SPAAR: variants seen among roughly 807,000 people sequenced by gnomAD.
SPAAR encodes the protein small regulatory polypeptide of amino acid response, also known as long intergenic non-protein coding RNA 961.
For missense variants in SPAAR, 59 were observed against 39.9 expected, an observed-to-expected ratio of 1.48 and a Z score of -1.29; for synonymous variants, 27 against 15.9, an observed-to-expected ratio of 1.70 and a Z score of -1.66.
chr9:35,910,211 G>A lies in SPAAR; in HGVS notation c.-253G>A. 1.8e-6 allele frequency: 1 copy of A among 560,220 alleles called. No individual in the cohort carries two copies. The highest frequency in any genetic ancestry group is 3.0e-5 in the East Asian group (1 of 33,056). 34.7% of individuals were successfully genotyped at this position (560,220 alleles called of 1,614,324 possible). On this transcript the variant is annotated 5_prime_UTR_variant, in exon 2 of 2. Transcript: ENST00000443779. ...TGCTTCTTCTAGAAGCTGACATGGA[G>A]CTGACCACAGCTCTTGGAGGCATGG...
In SPAAR at chr9:35,910,461, G is replaced by T. The variant is rs1161947045; in HGVS notation, c.-3G>T. 4 of 703,082 alleles carry T rather than the reference G, an allele frequency of 5.7e-6. No homozygotes were observed. In the African/African-American group the frequency reaches 7.0e-5, roughly 12 times the overall value. The allele number at this position is 703,082 out of a possible 1,614,324, so 43.6% of individuals were successfully genotyped here. On this transcript the variant is annotated 5_prime_UTR_variant, in exon 2 of 2. Coordinates refer to ENST00000443779, the MANE Select transcript of SPAAR (RefSeq NM_001348107.3). ...GAGAGGACCTAAGGTTGCTCAGTGG[G>T]CCATGGAAACGGCAGTGATTGGGGT...
Position 35,910,630 on chromosome 9 carries a change from C to G in SPAAR, c.167C>G (p.Thr56Arg). Residue 56 changes from threonine (T) to arginine (R), a missense_variant, in exon 2 of 2, where the codon ACG (threonine) becomes AGG (arginine). By Grantham distance (71) the Thr-to-Arg change is moderately conservative. Coordinates refer to ENST00000443779, the MANE Select transcript of SPAAR (RefSeq NM_001348107.3). Reference protein sequence around the residue: ...ATFRQEASLFTGPVRHAQPVP... With the variant: ...ATFRQEASLFRGPVRHAQPVP... ...TTTCGCCAGGAAGCTTCTCTCTTCACGGGGCCTGTTCGCCATGCCCAGCCA... is the reference window on the plus strand; with the variant it reads ...TTTCGCCAGGAAGCTTCTCTCTTCAGGGGGCCTGTTCGCCATGCCCAGCCA... The G allele has an allele frequency of 1.4e-6, 1 of 702,926 alleles. No homozygotes were observed. Among genetic ancestry groups the G allele is most frequent in the Non-Finnish European group, 2.6e-6 (1 of 384,960 alleles). 43.5% of individuals were successfully genotyped at this position (702,926 alleles called of 1,614,324 possible). A position where few individuals can be genotyped will look rare whatever the true frequency, so the allele number is the denominator to read the frequency against.
Position 35,910,366 on chromosome 9 carries a change from A to G in SPAAR, c.-98A>G. 1 of 678,526 alleles carries G rather than the reference A, an allele frequency of 1.5e-6. No individual in the cohort carries two copies. The highest frequency in any genetic ancestry group is 2.7e-6 in the Non-Finnish European group (1 of 373,126). The allele number at this position is 678,526 out of a possible 1,614,324, so 42.0% of individuals were successfully genotyped here. ...GCATCTTCTTAGGAGACGGAAGGAG[A>G]GCCGCCGGAGGAGCACGGGGCACCT... On this transcript the variant is annotated 5_prime_UTR_variant, in exon 2 of 2. Coordinates refer to ENST00000443779, the MANE Select transcript of SPAAR (RefSeq NM_001348107.3).
rs1471916890 is a variant in SPAAR at position 35,910,237 on chromosome 9, C to A, written c.-227C>A. On this transcript the variant is annotated 5_prime_UTR_variant, in exon 2 of 2. Transcript: ENST00000443779. ...CTGACCACAGCTCTTGGAGGCATGG[C>A]CTGAGGCTTAGAAAATAGACAGAGA... 5.1e-6 allele frequency: 3 copies of A among 585,484 alleles called. No individual in the cohort carries two copies. The highest frequency in any genetic ancestry group is 9.1e-6 in the Non-Finnish European group (3 of 328,346). 36.3% of individuals were successfully genotyped at this position (585,484 alleles called of 1,614,324 possible).
In SPAAR at chr9:35,910,947, C is replaced by A. The variant is rs545705671; in HGVS notation, c.*256C>A. The A allele has an allele frequency of 5.8e-5, 27 of 467,620 alleles. No individual in the cohort carries two copies. Among genetic ancestry groups the A allele is most frequent in the Middle Eastern group, 5.5e-4 (1 of 1,824 alleles). 29.0% of individuals were successfully genotyped at this position (467,620 alleles called of 1,614,324 possible). ...CTCTGAGGAGTGAGTGAACAGACAGCGCCGGAGTGCACGGTGGGCCGGCTC... is the reference window on the plus strand; with the variant it reads ...CTCTGAGGAGTGAGTGAACAGACAGAGCCGGAGTGCACGGTGGGCCGGCTC... On this transcript the variant is annotated 3_prime_UTR_variant, in exon 2 of 2. Transcript: ENST00000443779.
Position 35,910,733 on chromosome 9 carries a change from C to T in SPAAR, c.*42C>T. The T allele has an allele frequency of 1.5e-6, 1 of 647,490 alleles. No homozygotes were observed. The highest frequency in any genetic ancestry group is 1.8e-5 in the African/African-American group (1 of 55,884). 40.1% of individuals were successfully genotyped at this position (647,490 alleles called of 1,614,324 possible). A position where few individuals can be genotyped will look rare whatever the true frequency, so the allele number is the denominator to read the frequency against. On this transcript the variant is annotated 3_prime_UTR_variant, in exon 2 of 2. Coordinates refer to ENST00000443779, the MANE Select transcript of SPAAR (RefSeq NM_001348107.3). ...ATTTGCTGTGCTGATGGGTCAGACT[C>T]ACCCGCTCCTCAGCAAGCCTTCCCT...
chr9:35,910,972 CTG>C lies in SPAAR; in HGVS notation c.*282_*283del. On this transcript the variant is annotated 3_prime_UTR_variant, in exon 2 of 2. Coordinates refer to ENST00000443779, the MANE Select transcript of SPAAR (RefSeq NM_001348107.3). ...CGCCGGAGTGCACGGTGGGCCGGCT[CTG>C]CTGATCTACACCAGGAACTGAAATA... is the stretch of plus-strand genomic sequence containing the variant. 1.7e-4 allele frequency: 41 copies of C among 247,402 alleles called. No individual in the cohort carries two copies. Among genetic ancestry groups the C allele is most frequent in the South Asian group, 1.2e-3 (6 of 4,958 alleles). The allele number at this position is 247,402 out of a possible 1,614,324, so 15.3% of individuals were successfully genotyped here.
In SPAAR at chr9:35,910,483, G is replaced by A. The variant is rs1833153510; in HGVS notation, c.20G>A (p.Gly7Glu). 1 of 702,936 alleles carries A rather than the reference G, an allele frequency of 1.4e-6. No individual in the cohort carries two copies. Among genetic ancestry groups the A allele is most frequent in the Non-Finnish European group, 2.6e-6 (1 of 385,014 alleles). The allele number at this position is 702,936 out of a possible 1,614,324, so 43.5% of individuals were successfully genotyped here. A position where few individuals can be genotyped will look rare whatever the true frequency, so the allele number is the denominator to read the frequency against. Residue 7 changes from glycine to glutamate, a missense_variant, in exon 2 of 2, where the codon GGG becomes GAG. Gly to Glu is a moderately conservative substitution (Grantham distance 98). Transcript: ENST00000443779. ...TGGGCCATGGAAACGGCAGTGATTG[G>A]GGTGGTGGTGGTGCTGTTCGTGGTG... METAVI[G>E]VVVVLFVVTV...
rs1473099449 is a variant in SPAAR, at chr9:35,910,624, T to C, written c.161T>C (p.Leu54Pro). Residue 54 changes from leucine to proline, a missense_variant, in exon 2 of 2, where the codon CTC (leucine) becomes CCC (proline). By Grantham distance (98) the Leu-to-Pro change is moderately conservative. Transcript: ENST00000443779. Reference sequence around the variant, plus strand: ...GCCACGTTTCGCCAGGAAGCTTCTCTCTTCACGGGGCCTGTTCGCCATGCC... The same window carrying C: ...GCCACGTTTCGCCAGGAAGCTTCTCCCTTCACGGGGCCTGTTCGCCATGCC... ...TVATFRQEAS[L>P]FTGPVRHAQP... 1 of 702,926 alleles carries C rather than the reference T, an allele frequency of 1.4e-6. No homozygotes were observed. Among genetic ancestry groups the C allele is most frequent in the Non-Finnish European group, 2.6e-6 (1 of 384,964 alleles). 43.5% of individuals were successfully genotyped at this position (702,926 alleles called of 1,614,324 possible). A position where few individuals can be genotyped will look rare whatever the true frequency, so the allele number is the denominator to read the frequency against.
chr9:35,909,847 G>A (rs1363936924), intron 1 of SPAAR, among the ~76,000 whole-genome samples: 1 of 152,172 alleles, frequency 6.6e-6, no homozygotes, highest in Admixed American at 6.5e-5. Flanking sequence ...CCTGGCACCT[G>A]GGGTGACCCG....
Position 35,910,956 on chromosome 9 carries a change from G to A in SPAAR, c.*265G>A. The A allele has an allele frequency of 1.0e-5, 3 of 294,516 alleles. No individual in the cohort carries two copies. Among genetic ancestry groups the A allele is most frequent in the South Asian group, 1.5e-4 (1 of 6,630 alleles). 18.2% of individuals were successfully genotyped at this position (294,516 alleles called of 1,614,324 possible). ...GTGAGTGAACAGACAGCGCCGGAGT[G>A]CACGGTGGGCCGGCTCTGCTGATCT... On this transcript the variant is annotated 3_prime_UTR_variant, in exon 2 of 2. Transcript: ENST00000443779.
Position 35,910,457 on chromosome 9 carries a change from G to C in SPAAR, c.-7G>C. The C allele has an allele frequency of 1.4e-6, 1 of 703,060 alleles. No homozygotes were observed. The highest frequency in any genetic ancestry group is 2.7e-5 in the East Asian group (1 of 37,272). 43.6% of individuals were successfully genotyped at this position (703,060 alleles called of 1,614,324 possible). A position where few individuals can be genotyped will look rare whatever the true frequency, so the allele number is the denominator to read the frequency against. The stretch of plus-strand genomic sequence containing the variant: ...CTCCGAGAGGACCTAAGGTTGCTCA[G>C]TGGGCCATGGAAACGGCAGTGATTG... On this transcript the variant is annotated 5_prime_UTR_variant, in exon 2 of 2. Coordinates refer to ENST00000443779, the MANE Select transcript of SPAAR (RefSeq NM_001348107.3).
At chr9:35,910,050 C>T (rs962691568) in intron 1 of SPAAR, 107 bp from the exon 2 acceptor site, 12 of 206,680 alleles carry the variant, frequency 5.8e-5, no homozygotes, top group Admixed American at 2.6e-4. Flanking sequence ...TTGGTCTGGG[C>T]GTAACTTGCT....
chr9:35,910,190 T>G lies in SPAAR; in HGVS notation c.-274T>G, dbSNP rs1481372514. On this transcript the variant is annotated 5_prime_UTR_variant, in exon 2 of 2. Transcript: ENST00000443779. Reference sequence around the variant, plus strand: ...TGCTCACGTCTTCCAGGACAGTGCTTCTTCTAGAAGCTGACATGGAGCTGA... The same window carrying G: ...TGCTCACGTCTTCCAGGACAGTGCTGCTTCTAGAAGCTGACATGGAGCTGA... 6 of 530,018 alleles carry G rather than the reference T, an allele frequency of 1.1e-5. No homozygotes were observed. The highest frequency in any genetic ancestry group is 7.6e-5 in the African/African-American group (4 of 52,588). The allele number at this position is 530,018 out of a possible 1,614,324, so 32.8% of individuals were successfully genotyped here.
rs986842196 is a variant in SPAAR at position 35,910,435 on chromosome 9, C to T, written c.-29C>T. On this transcript the variant is annotated 5_prime_UTR_variant, in exon 2 of 2. Coordinates refer to ENST00000443779, the MANE Select transcript of SPAAR (RefSeq NM_001348107.3). ...CTGTTCTGGATGGGAGCGAAGGCTC[C>T]GAGAGGACCTAAGGTTGCTCAGTGG... The T allele has an allele frequency of 8.1e-5, 57 of 702,766 alleles. No individual in the cohort carries two copies. Among genetic ancestry groups the T allele is most frequent in the Admixed American group, 6.2e-4 (31 of 49,988 alleles). 43.5% of individuals were successfully genotyped at this position (702,766 alleles called of 1,614,324 possible). A position where few individuals can be genotyped will look rare whatever the true frequency, so the allele number is the denominator to read the frequency against.
rs1588213773 is a variant in SPAAR, at chr9:35,910,371, C to A, written c.-93C>A. 1.6e-5 allele frequency: 11 copies of A among 685,126 alleles called. No homozygotes were observed. In the South Asian group the frequency reaches 1.7e-4, roughly 11 times the overall value. The allele number at this position is 685,126 out of a possible 1,614,324, so 42.4% of individuals were successfully genotyped here. A position where few individuals can be genotyped will look rare whatever the true frequency, so the allele number is the denominator to read the frequency against. On this transcript the variant is annotated 5_prime_UTR_variant, in exon 2 of 2. Coordinates refer to ENST00000443779, the MANE Select transcript of SPAAR (RefSeq NM_001348107.3). ...TTCTTAGGAGACGGAAGGAGAGCCG[C>A]CGGAGGAGCACGGGGCACCTGCGAT...
chr9:35,910,941 A>T lies in SPAAR; in HGVS notation c.*250A>T. 6.2e-6 allele frequency: 3 copies of T among 486,192 alleles called. No homozygotes were observed. The highest frequency in any genetic ancestry group is 1.1e-5 in the Non-Finnish European group (3 of 272,854). 30.1% of individuals were successfully genotyped at this position (486,192 alleles called of 1,614,324 possible). A position where few individuals can be genotyped will look rare whatever the true frequency, so the allele number is the denominator to read the frequency against. ...GGAGAGCTCTGAGGAGTGAGTGAAC[A>T]GACAGCGCCGGAGTGCACGGTGGGC... is the stretch of plus-strand genomic sequence containing the variant. On this transcript the variant is annotated 3_prime_UTR_variant, in exon 2 of 2. Transcript: ENST00000443779.
rs1305575251 is a variant in SPAAR at position 35,910,444 on chromosome 9, C to T, written c.-20C>T. ...ATGGGAGCGAAGGCTCCGAGAGGAC[C>T]TAAGGTTGCTCAGTGGGCCATGGAA... On this transcript the variant is annotated 5_prime_UTR_variant, in exon 2 of 2. Coordinates refer to ENST00000443779, the MANE Select transcript of SPAAR (RefSeq NM_001348107.3). The T allele has an allele frequency of 1.4e-6, 1 of 703,002 alleles. No individual in the cohort carries two copies. The highest frequency in any genetic ancestry group is 2.7e-5 in the East Asian group (1 of 37,276). The allele number at this position is 703,002 out of a possible 1,614,324, so 43.5% of individuals were successfully genotyped here.
In SPAAR at chr9:35,910,382, CG is replaced by C. The variant is rs1564067715; in HGVS notation, c.-78del. 3 of 693,384 alleles carry C rather than the reference CG, an allele frequency of 4.3e-6. No homozygotes were observed. Among genetic ancestry groups the C allele is most frequent in the Admixed American group, 2.0e-5 (1 of 49,532 alleles). 43.0% of individuals were successfully genotyped at this position (693,384 alleles called of 1,614,324 possible). Reference sequence around the variant, plus strand: ...CGGAAGGAGAGCCGCCGGAGGAGCACGGGGCACCTGCGATCGCGAAGAGCCT... The same window carrying C: ...CGGAAGGAGAGCCGCCGGAGGAGCACGGGCACCTGCGATCGCGAAGAGCCT... On this transcript the variant is annotated 5_prime_UTR_variant, in exon 2 of 2. Coordinates refer to ENST00000443779, the MANE Select transcript of SPAAR (RefSeq NM_001348107.3).
Sources: allele counts gnomAD v4.1 joint callset (sites outside exome capture counted in the v4.1 genomes callset), GRCh38; gene constraint gnomAD v4.1.1; transcripts MANE v1.5; gene names NCBI Gene and HGNC (gene_info 2026-07-23, HGNC 2026-07-21).